The following KCNQ1 variants were observed in gnomAD, a reference collection of about 807,000 sequenced individuals.
KCNQ1 encodes potassium voltage-gated channel subfamily KQT member 1.
In KCNQ1, 49 loss-of-function variants were observed where a neutral mutation model predicts 72.4. The ratio of observed to expected loss-of-function variants is 0.68; its 90% CI spans 0.54 to 0.86. The LOEUF is 0.86. KCNQ1 is among the 40% of genes least tolerant of loss of function. KCNQ1 has a pLI of 0.00. For synonymous variants in KCNQ1, 450 were observed against 412.6 expected, an observed-to-expected ratio of 1.09 and a Z score of -1.10; for missense variants, 790 against 945.1, an observed-to-expected ratio of 0.84 and a Z score of 2.15.
intron 15 of KCNQ1, among the ~76,000 whole-genome samples, chr11:2,820,451 G>C (rs879401080): frequency 2.6e-5 from 4 of 152,198 alleles, no homozygotes; most frequent in Non-Finnish European, 4.4e-5. Flanking sequence ...TGCCTAATAG[G>C]ATCATTTCTG....
rs924844167 is a variant in KCNQ1 at position 2,492,984 on chromosome 11, G to A, written c.387-34944G>A. ...TTACACTCCCACCAACAGTGTAAAA[G>A]CGTTCCTATTTCTCCACATCCTCTC... On this transcript the variant is annotated intron_variant, in intron 1 of 15. Transcript: ENST00000155840. This position sits in a 1 kb window ranked among gnomAD's most constrained non-coding sequence, Gnocchi z 4.1. 5.9e-5 allele frequency among the ~76,000 whole-genome samples: 9 copies of A among 152,298 alleles called. No individual in the cohort carries two copies. Among genetic ancestry groups the A allele is most frequent in the East Asian group, 3.9e-4 (2 of 5,178 alleles).
At chr11:2,777,722 T>TA in intron 14 of KCNQ1, 1 of 607,796 alleles carries the variant, frequency 1.6e-6, no homozygotes, top group South Asian at 1.9e-5. Context: ...GGCAGCCCCC[T>TA]AGGGCTCTCA....
rs867855883 is a variant in KCNQ1, at chr11:2,735,367, G to A, written c.1515-33477G>A. On this transcript the variant is annotated intron_variant, in intron 11 of 15. Transcript: ENST00000155840. The surrounding 1 kb of genome is among the most constrained non-coding windows in gnomAD (Gnocchi z 7.7). Reference sequence around the variant, plus strand: ...GCCCGGTGGAGGGTGGGCCATGGCCGCCCCCACCTCCCCTCCCGCAAGCTT... The same window carrying A: ...GCCCGGTGGAGGGTGGGCCATGGCCACCCCCACCTCCCCTCCCGCAAGCTT... 3.0e-4 allele frequency among the ~76,000 whole-genome samples: 45 copies of A among 151,984 alleles called. No individual in the cohort carries two copies. Among genetic ancestry groups the A allele is most frequent in the African/African-American group, 9.9e-4 (41 of 41,438 alleles).
intron 11 of KCNQ1, chr11:2,699,647 C>CGCGCCGAAGAACCCCCGGGGACAACT (rs1850751296): frequency 8.4e-6 from 3 of 358,708 alleles, no homozygotes; most frequent in African/African-American, 6.4e-5. Flanking sequence ...CGGGGACAAC[C>CGCGCCGAAGAACCCCCGGGGACAACT]GCGCCGAAGA....
In KCNQ1 at chr11:2,623,284, A is replaced by T. The variant is rs1849204356; in HGVS notation, c.1393+34430A>T. 5.0e-6 allele frequency: 2 copies of T among 398,674 alleles called. No individual in the cohort carries two copies. Among genetic ancestry groups the T allele is most frequent in the Admixed American group, 4.4e-5 (1 of 22,722 alleles). 24.7% of individuals were successfully genotyped at this position (398,674 alleles called of 1,614,324 possible). A position where few individuals can be genotyped will look rare whatever the true frequency, so the allele number is the denominator to read the frequency against. ...AAACCTCTTTTCTCACAAATTACCC[A>T]GTCTCAGGTAGTTCTTTATAGCACT... On this transcript the variant is annotated intron_variant, in intron 10 of 15. Coordinates refer to ENST00000155840, the MANE Select transcript of KCNQ1 (RefSeq NM_000218.3). The surrounding 1 kb of genome is among the most constrained non-coding windows in gnomAD (Gnocchi z 5.2).
In KCNQ1 at chr11:2,533,385, G is replaced by A. The variant is rs576199309; in HGVS notation, c.477+5367G>A. ...ACCACGTCGGAAATCTGCTGGGCAG[G>A]GAGATTTCCTCAAGGCCTCCCAGGG... On this transcript the variant is annotated intron_variant, in intron 2 of 15. Coordinates refer to ENST00000155840, the MANE Select transcript of KCNQ1 (RefSeq NM_000218.3). Among the ~76,000 whole-genome samples the A allele has an allele frequency of 2.0e-5, 3 of 152,296 alleles. No homozygotes were observed. The East Asian group carries it at 5.8e-4, about 29-fold the overall frequency.
At position 2,446,619 on chromosome 11, in the gene KCNQ1, T is replaced by G. The variant is rs1178730600; in HGVS notation, c.386+1135T>G. Reference sequence around the variant, plus strand: ...TCAAGCATCGTCTCAGGTGAGGGGGTGGGGTAGGGGTCGCAGGGCTACTGC... The same window carrying G: ...TCAAGCATCGTCTCAGGTGAGGGGGGGGGGTAGGGGTCGCAGGGCTACTGC... On this transcript the variant is annotated intron_variant, in intron 1 of 15. Transcript: ENST00000155840. The surrounding 1 kb of genome is among the most constrained non-coding windows in gnomAD (Gnocchi z 8.8). Among the ~76,000 whole-genome samples, 1 of 151,562 alleles carries G rather than the reference T, an allele frequency of 6.6e-6. No homozygotes were observed. The highest frequency in any genetic ancestry group is 1.9e-4 in the East Asian group (1 of 5,158).
Position 2,547,847 on chromosome 11 carries a change from G to A in KCNQ1, c.477+19829G>A, listed in dbSNP as rs889188486. Reference sequence around the variant, plus strand: ...TCTGTATGGAGGTGAAGGTCCAGATGTTGGGGTTTCAGGGTCAAGCATTCC... The same window carrying A: ...TCTGTATGGAGGTGAAGGTCCAGATATTGGGGTTTCAGGGTCAAGCATTCC... On this transcript the variant is annotated intron_variant, in intron 2 of 15. Coordinates refer to ENST00000155840, the MANE Select transcript of KCNQ1 (RefSeq NM_000218.3). This position sits in a 1 kb window ranked among gnomAD's most constrained non-coding sequence, Gnocchi z 4.2. Among the ~76,000 whole-genome samples, 3 of 152,222 alleles carry A rather than the reference G, an allele frequency of 2.0e-5. No homozygotes were observed. Among genetic ancestry groups the A allele is most frequent in the Non-Finnish European group, 4.4e-5 (3 of 68,046 alleles).
At chr11:2,776,143 G>C (rs2133989634) in intron 13 of KCNQ1, 89 bp downstream of exon 13, 1 of 1,149,816 alleles carries the variant, frequency 8.7e-7, no homozygotes, top group African/African-American at 1.5e-5. Flanking sequence ...GGAGGAGGGA[G>C]GGGCTGAGAC....
intron 11 of KCNQ1, chr11:2,666,241 G>C (rs538202915): frequency 2.5e-6 from 1 of 398,582 alleles, no homozygotes; most frequent in Non-Finnish European, 4.4e-6. Flanking sequence ...ATTGAGATGG[G>C]CATGGGGGAG....
Position 2,647,453 on chromosome 11 carries a change from T to C in KCNQ1, c.1394-14508T>C, listed in dbSNP as rs184697140. On this transcript the variant is annotated intron_variant, in intron 10 of 15. Transcript: ENST00000155840. This position sits in a 1 kb window ranked among gnomAD's most constrained non-coding sequence, Gnocchi z 4.0. ...TTCATCAGGGAGATTGGCCTGTAGT[T>C]TTCTTTTTTGCTGTTATTGTGTCCT... 670 of 398,504 alleles carry C rather than the reference T, an allele frequency of 1.7e-3. 4 individuals carry two copies. Among genetic ancestry groups the C allele is most frequent in the African/African-American group, 0.012 (589 of 48,712 alleles). 24.7% of individuals were successfully genotyped at this position (398,504 alleles called of 1,614,324 possible).
rs75287465 is a variant in KCNQ1, at chr11:2,509,158, A to G, written c.387-18770A>G. On this transcript the variant is annotated intron_variant, in intron 1 of 15. Transcript: ENST00000155840. This position sits in a 1 kb window ranked among gnomAD's most constrained non-coding sequence, Gnocchi z 6.3. Reference sequence around the variant, plus strand: ...AAGGACTCTGTTACCAAAAGCACACAGCACAGGTTGGGAGAGCAACTATCT... The same window carrying G: ...AAGGACTCTGTTACCAAAAGCACACGGCACAGGTTGGGAGAGCAACTATCT... 4.8e-4 allele frequency among the ~76,000 whole-genome samples: 73 copies of G among 152,378 alleles called. No individual in the cohort carries two copies. In the East Asian group the frequency reaches 0.011, roughly 23 times the overall value.
At chr11:2,719,165 GTC>G (rs1851159146) in intron 11 of KCNQ1, among the ~76,000 whole-genome samples, 1 of 78 alleles carries the variant, frequency 0.013, no homozygotes, top group Admixed American at 0.5. Flanking sequence ...CAGGCTTCTT[GTC>G]TCTCATTGGG....
intron 15 of KCNQ1, among the ~76,000 whole-genome samples, chr11:2,795,248 G>A (rs959696569): frequency 1.3e-5 from 2 of 152,218 alleles, no homozygotes; most frequent in African/African-American, 2.4e-5. Context: ...GGAGGCCTTC[G>A]CCTCGGGCTG....
chr11:2,495,816 G>A lies in KCNQ1; in HGVS notation c.387-32112G>A, dbSNP rs1189766138. Among the ~76,000 whole-genome samples, 1 of 152,186 alleles carries A rather than the reference G, an allele frequency of 6.6e-6. No homozygotes were observed. Among genetic ancestry groups the A allele is most frequent in the Non-Finnish European group, 1.5e-5 (1 of 68,040 alleles). On this transcript the variant is annotated intron_variant, in intron 1 of 15. Transcript: ENST00000155840. The surrounding 1 kb of genome is among the most constrained non-coding windows in gnomAD (Gnocchi z 4.6). ...TGCTGAGAACAATGTACATTCTCTTGATTTGGGGTGGAAAGTTCTGTAGAT... is the reference window on the plus strand; with the variant it reads ...TGCTGAGAACAATGTACATTCTCTTAATTTGGGGTGGAAAGTTCTGTAGAT...
intron 15 of KCNQ1, among the ~76,000 whole-genome samples, chr11:2,789,286 G>T (rs1846972746): frequency 6.6e-6 from 1 of 152,176 alleles, no homozygotes. Context: ...GGGAATTAAT[G>T]AAAGTAACAA....
rs370226856 is a variant in KCNQ1 at position 2,573,003 on chromosome 11, C to T, written c.921+17C>T. The T allele has an allele frequency of 4.1e-5, 66 of 1,611,414 alleles. No individual in the cohort carries two copies. Among genetic ancestry groups the T allele is most frequent in the Non-Finnish European group, 5.3e-5 (62 of 1,178,676 alleles). On this transcript the variant is annotated intron_variant, in intron 6 of 15. Transcript: ENST00000155840. ...TGGGGGGTGGTAAGTCGGAAACTTCCAGGCATGGGGACAGGGGCAGCTCAG... is the reference window on the plus strand; with the variant it reads ...TGGGGGGTGGTAAGTCGGAAACTTCTAGGCATGGGGACAGGGGCAGCTCAG...
rs1197384957 is a variant in KCNQ1 at position 2,498,036 on chromosome 11, C to T, written c.387-29892C>T. Among the ~76,000 whole-genome samples the T allele has an allele frequency of 6.6e-6, 1 of 152,238 alleles. No individual in the cohort carries two copies. The highest frequency in any genetic ancestry group is 1.5e-5 in the Non-Finnish European group (1 of 68,038). On this transcript the variant is annotated intron_variant, in intron 1 of 15. Transcript: ENST00000155840. The surrounding 1 kb of genome is among the most constrained non-coding windows in gnomAD (Gnocchi z 4.8). The stretch of plus-strand genomic sequence containing the variant: ...AGCAAAGATTGCTGCCTACTCCTTC[C>T]TCTGGAAGCTTTGTCCCAGAAGGGC...
intron 11 of KCNQ1, among the ~76,000 whole-genome samples, chr11:2,736,990 C>T (rs1415788537): frequency 6.6e-6 from 1 of 152,200 alleles, no homozygotes; most frequent in Non-Finnish European, 1.5e-5. Flanking sequence ...CCCAAGACAT[C>T]CTGAGTGCCC....
Sources: gnomAD v4.1 joint callset for allele counts (sites outside exome capture counted in the v4.1 genomes callset) on GRCh38, gnomAD v4.1.1 for gene constraint, Gnocchi (gnomAD v3.1) non-coding constraint, MANE v1.5 for transcripts, NCBI Gene and HGNC (gene_info 2026-07-23, HGNC 2026-07-21) for gene names.